Variants in FANK1 observed in about 807,000 individuals in gnomAD.
The protein encoded by FANK1 is fibronectin type 3 and ankyrin repeat domains protein 1.
A neutral mutation model predicts 45.3 loss-of-function variants in FANK1; 44 were observed. That is an observed-to-expected ratio of 0.97 (90% CI 0.76 to 1.25). The LOEUF (loss-of-function observed/expected upper bound fraction) is 1.25. Among genes scored for constraint, FANK1 ranks in the 50% most tolerant of loss-of-function variants. The pLI is 0.00. For synonymous variants in FANK1, 149 were observed against 152.5 expected (o/e 0.98, Z 0.17); for missense variants, 391 against 424.4 (o/e 0.92, Z 0.69).
chr10:125,928,229 A>G (rs1392442658), intron 1 of FANK1, among the ~76,000 whole-genome samples: 2 of 150,762 alleles, frequency 1.3e-5, no homozygotes, highest in East Asian at 3.9e-4. Flanking sequence ...ATTTCTAGAT[A>G]ATATGCTAAA....
intron 7 of FANK1, among the ~76,000 whole-genome samples, chr10:126,006,596 A>T (rs2133356133): frequency 6.6e-6 from 1 of 152,380 alleles, no homozygotes; most frequent in African/African-American, 2.4e-5. Context: ...ACAGTGGCTT[A>T]TGCCTGTAAT....
intron 1 of FANK1, among the ~76,000 whole-genome samples, chr10:125,919,985 C>T (rs1946828553): frequency 1.3e-5 from 2 of 152,182 alleles, no homozygotes; most frequent in Non-Finnish European, 2.9e-5. Context: ...AGGTTTTACT[C>T]ATGCTACAAT....
At chr10:125,936,720 T>G (rs931160094) in intron 1 of FANK1, among the ~76,000 whole-genome samples, 3 of 152,222 alleles carry the variant, frequency 2.0e-5, no homozygotes, top group Non-Finnish European at 4.4e-5. Flanking sequence ...GCACCATTTA[T>G]TTATTCCAGT....
At chr10:126,008,585 C>T (rs773821772) in intron 8 of FANK1, 35 bp downstream of exon 8, 25 of 1,584,132 alleles carry the variant, frequency 1.6e-5, no homozygotes, top group Admixed American at 3.7e-5. Flanking sequence ...CAGTTTTCTA[C>T]GTGGAATTAA....
At chr10:125,971,723 G>A (rs181016630) in intron 1 of FANK1, among the ~76,000 whole-genome samples, 185 of 152,186 alleles carry the variant, frequency 1.2e-3, no homozygotes, top group African/African-American at 4.2e-3. Flanking sequence ...CTGGGTTCAC[G>A]CCATTCTCCT....
At chr10:125,996,026 G>A (rs1294962974) in intron 4 of FANK1, among the ~76,000 whole-genome samples, 1 of 152,206 alleles carries the variant, frequency 6.6e-6, no homozygotes, top group Non-Finnish European at 1.5e-5. Context: ...AGTCATTTGT[G>A]AATTCGGCTC....
At chr10:125,964,420 T>C (rs1297045270) in intron 1 of FANK1, among the ~76,000 whole-genome samples, 1 of 152,080 alleles carries the variant, frequency 6.6e-6, no homozygotes. Context: ...CTTGAACTCC[T>C]GACCTCAAGT....
chr10:125,950,541 GA>G (rs1011412081), intron 1 of FANK1, among the ~76,000 whole-genome samples: 1 of 152,120 alleles, frequency 6.6e-6, no homozygotes, highest in Non-Finnish European at 1.5e-5. Context: ...GGCCATCAGA[GA>G]AATGCAAATC....
chr10:125,950,476 CAGA>C (rs1396042964), intron 1 of FANK1, among the ~76,000 whole-genome samples: 2 of 151,890 alleles, frequency 1.3e-5, no homozygotes, highest in South Asian at 2.1e-4. Context: ...AGACACTTCT[CAGA>C]AGAAGACATT....
rs561329809 is a variant in FANK1, at chr10:125,986,237, G to A, written c.192-2314G>A. Among the ~76,000 whole-genome samples, 4 of 152,266 alleles carry A rather than the reference G, an allele frequency of 2.6e-5. No individual in the cohort carries two copies. The East Asian group carries it at 7.7e-4, about 29-fold the overall frequency. ...GCACAGAGCAGGGAGGCAGAGACAC[G>A]TACGTGGTCAGAGGTGCCTCAATGT... On this transcript the variant is annotated intron_variant, in intron 2 of 10. Transcript: ENST00000368693.
At chr10:125,940,639 T>C (rs1055356758) in intron 1 of FANK1, among the ~76,000 whole-genome samples, 2 of 152,066 alleles carry the variant, frequency 1.3e-5, no homozygotes, top group African/African-American at 4.8e-5. Flanking sequence ...TTACTATTCC[T>C]CCTCAGCACG....
At chr10:125,917,541 GTTTC>G (rs1234428279) in intron 1 of FANK1, among the ~76,000 whole-genome samples, 17 of 152,154 alleles carry the variant, frequency 1.1e-4, no homozygotes, top group African/African-American at 3.6e-4. Flanking sequence ...AGGTTTAACT[GTTTC>G]TTCAGGTCTT....
chr10:125,981,016 C>A (rs1199181439), intron 2 of FANK1: 1 of 126,524 alleles, frequency 7.9e-6, no homozygotes, highest in Non-Finnish European at 1.8e-5. Context: ...TACTTGTTTG[C>A]TTAGTTTGTT....
chr10:125,995,641 G>T, intron 4 of FANK1, 143 bp downstream of exon 4: 2 of 682,398 alleles, frequency 2.9e-6, no homozygotes, highest in Non-Finnish European at 5.3e-6. Flanking sequence ...ACTGGTGTGA[G>T]TTAATAAACC....
chr10:125,970,000 A>AAATGG (rs1328990760), intron 1 of FANK1, among the ~76,000 whole-genome samples: 1 of 152,210 alleles, frequency 6.6e-6, no homozygotes, highest in Non-Finnish European at 1.5e-5. Context: ...GTACAGAACG[A>AAATGG]AATGGAGTCT....
chr10:125,925,150 A>T (rs1333084320), intron 1 of FANK1, among the ~76,000 whole-genome samples: 3 of 152,036 alleles, frequency 2.0e-5, no homozygotes, highest in Non-Finnish European at 4.4e-5. Flanking sequence ...ATCCTCCCTA[A>T]TTATTTTTAT....
intron 6 of FANK1, 49 bp downstream of exon 6, chr10:125,997,534 G>A: frequency 6.4e-7 from 1 of 1,566,034 alleles, no homozygotes; most frequent in South Asian, 1.1e-5. Flanking sequence ...TCAGAATTGT[G>A]TTGCTAGGCT....
intron 1 of FANK1, among the ~76,000 whole-genome samples, chr10:125,950,303 A>C (rs1436387391): frequency 1.5e-3 from 209 of 142,860 alleles, no homozygotes; most frequent in Middle Eastern, 3.5e-3. Context: ...GCACAGCAAA[A>C]GAAACTACCA....
In FANK1 at chr10:125,996,554, G is replaced by T. The variant is rs771433008; in HGVS notation, c.403G>T (p.Val135Phe). 1.9e-6 allele frequency: 3 copies of T among 1,614,132 alleles called. No individual in the cohort carries two copies. The highest frequency in any genetic ancestry group is 2.5e-6 in the Non-Finnish European group (3 of 1,180,030). Reference protein sequence around the residue: ...LLVRILQGGRVKVDVPNKFGF... With the variant: ...LLVRILQGGRFKVDVPNKFGF... The stretch of plus-strand genomic sequence containing the variant: ...CTTTTCTCTGCTTTTCCCAAGCCGT[G>T]TTAAGGTTGATGTTCCCAATAAGTT... Residue 135 changes from valine to phenylalanine, a missense_variant, in exon 5 of 11, where the codon GTT (valine) becomes TTT (phenylalanine). Val to Phe is a conservative substitution (Grantham distance 50, BLOSUM62 -1). Transcript: ENST00000368693.
Sources: allele counts gnomAD v4.1 joint callset (sites outside exome capture counted in the v4.1 genomes callset), GRCh38; gene constraint gnomAD v4.1.1; transcripts MANE v1.5; gene names NCBI Gene and HGNC (gene_info 2026-07-23, HGNC 2026-07-21).